SMURF2: variants seen among roughly 807,000 people sequenced by gnomAD.
SMURF2 encodes the protein SMAD specific E3 ubiquitin protein ligase 2.
Under a neutral mutation model 109.6 loss-of-function variants are expected in SMURF2, and 48 were observed. The observed-to-expected ratio is 0.44, with a 90% CI of 0.35 to 0.56. The LOEUF (loss-of-function observed/expected upper bound fraction) is 0.56, where lower values mean the gene tolerates loss of function less well. Ranked by LOEUF, SMURF2 falls within the 20% of genes least tolerant of loss-of-function variation. The pLI, the probability that SMURF2 is intolerant of heterozygous loss-of-function variation, is 0.01. For missense variants in SMURF2, 575 were observed against 909.0 expected, an observed-to-expected ratio of 0.63 and a Z score of 4.72; for synonymous variants, 288 against 317.1, an observed-to-expected ratio of 0.91 and a Z score of 0.97.
At chr17:64,572,089 G>T in intron 9 of SMURF2, 133 bp from the exon 10 acceptor site, 1 of 766,164 alleles carries the variant, frequency 1.3e-6, no homozygotes, top group Non-Finnish European at 1.9e-6. Context: ...TGTTCAGCTG[G>T]AATCTTTAAT....
chr17:64,618,842 A>T (rs1231139195), intron 1 of SMURF2, among the ~76,000 whole-genome samples: 2 of 152,188 alleles, frequency 1.3e-5, no homozygotes, highest in African/African-American at 4.8e-5. Flanking sequence ...AGAGACACTT[A>T]TAGAGGCAGT....
chr17:64,647,149 G>A (rs1970569709), intron 1 of SMURF2, among the ~76,000 whole-genome samples: 1 of 152,042 alleles, frequency 6.6e-6, no homozygotes, highest in African/African-American at 2.4e-5. Flanking sequence ...GTGCATGTAA[G>A]ACTCCCAGCA....
At chr17:64,615,565 A>T (rs1555690028) in intron 1 of SMURF2, among the ~76,000 whole-genome samples, 2 of 152,204 alleles carry the variant, frequency 1.3e-5, no homozygotes, top group African/African-American at 4.8e-5. Context: ...CTCAACCCCT[A>T]AACATGAAAT....
At position 64,621,506 on chromosome 17, in the gene SMURF2, G is replaced by T. The variant is rs1176544258; in HGVS notation, c.53-14866C>A. Among the ~76,000 whole-genome samples the T allele has an allele frequency of 2.6e-5, 4 of 151,832 alleles. No individual in the cohort carries two copies. In the East Asian group the frequency reaches 7.7e-4, roughly 29 times the overall value. On this transcript the variant is annotated intron_variant, in intron 1 of 18. Transcript: ENST00000262435. ...GAGGCAGGAGAATCGCTTGAATCCA[G>T]GGGGCAGAGGTTGCTGTGAGCCGAG...
At chr17:64,593,705 CTT>C (rs1380286603) in intron 3 of SMURF2, 132 bp from the exon 4 acceptor site, 4 of 676,344 alleles carry the variant, frequency 5.9e-6, no homozygotes, top group African/African-American at 5.4e-5. Context: ...CAAAATATGT[CTT>C]GAGTTAATCC....
At position 64,650,668 on chromosome 17, in the gene SMURF2, TA is replaced by T. The variant is rs1383463552; in HGVS notation, c.52+11160del. On this transcript the variant is annotated intron_variant, in intron 1 of 18. Transcript: ENST00000262435. ...CAACATGGTGAAACCTCATGCCTAC[TA>T]AAAATACAAAATTAGCTGGGTGTAG... Among the ~76,000 whole-genome samples, 3 of 151,490 alleles carry T rather than the reference TA, an allele frequency of 2.0e-5. No individual in the cohort carries two copies. The East Asian group carries it at 5.9e-4, about 30-fold the overall frequency.
Position 64,553,832 on chromosome 17 carries a change from C to T in SMURF2, c.1748+1024G>A, listed in dbSNP as rs1268244600. Among the ~76,000 whole-genome samples the T allele has an allele frequency of 2.0e-5, 3 of 152,120 alleles. No homozygotes were observed. In the East Asian group the frequency reaches 5.8e-4, roughly 29 times the overall value. ...AAACTGCTTTCCAGAAAAGCTATGCCAGTGTTCACTCCAATCAAGTGGACC... is the reference window on the plus strand; with the variant it reads ...AAACTGCTTTCCAGAAAAGCTATGCTAGTGTTCACTCCAATCAAGTGGACC... On this transcript the variant is annotated intron_variant, in intron 15 of 18. Transcript: ENST00000262435.
intron 1 of SMURF2, among the ~76,000 whole-genome samples, chr17:64,646,381 CTTTTTTTTTTTTTTT>C (rs1231663839): frequency 8.7e-6 from 1 of 114,460 alleles, no homozygotes; most frequent in Non-Finnish European, 1.9e-5. Context: ...TTTTTTCTTT[CTTTTTTTTTTTTTTT>C]AAATTGAGAC....
chr17:64,633,670 A>C (rs1970377140), intron 1 of SMURF2, among the ~76,000 whole-genome samples: 1 of 152,230 alleles, frequency 6.6e-6, no homozygotes. Context: ...GAGGCATTAG[A>C]GAATCAGTAA....
At chr17:64,630,376 C>A (rs1970321887) in intron 1 of SMURF2, among the ~76,000 whole-genome samples, 1 of 152,144 alleles carries the variant, frequency 6.6e-6, no homozygotes, top group South Asian at 2.1e-4. Context: ...AGATTACCAG[C>A]TAACTGGGAA....
intron 2 of SMURF2, among the ~76,000 whole-genome samples, chr17:64,603,810 A>G (rs2144671214): frequency 6.6e-6 from 1 of 152,310 alleles, no homozygotes; most frequent in South Asian, 2.1e-4. Flanking sequence ...CTCAACAAGG[A>G]TAGCGCCCAA....
chr17:64,628,274 T>A (rs1438238510), intron 1 of SMURF2, among the ~76,000 whole-genome samples: 1 of 152,200 alleles, frequency 6.6e-6, no homozygotes, highest in Non-Finnish European at 1.5e-5. Flanking sequence ...ACCTGTGTCC[T>A]AAGAGAATAC....
At position 64,662,191 on chromosome 17, in the gene SMURF2, T is replaced by C; in HGVS notation, c.-311A>G. 1 of 1,031,920 alleles carries C rather than the reference T, an allele frequency of 9.7e-7. No individual in the cohort carries two copies. Among genetic ancestry groups the C allele is most frequent in the African/African-American group, 1.7e-5 (1 of 57,444 alleles). 63.9% of individuals were successfully genotyped at this position (1,031,920 alleles called of 1,614,324 possible). The stretch of plus-strand genomic sequence containing the variant: ...CGGCCGCCGAGGCCTTTCCCTCCTC[T>C]CGTCTCGGCGAGGCCCAGTAGCCGA... On this transcript the variant is annotated 5_prime_UTR_variant, in exon 1 of 19. Transcript: ENST00000262435.
chr17:64,595,527 G>GA (rs782568144), intron 3 of SMURF2, among the ~76,000 whole-genome samples: 1 of 152,178 alleles, frequency 6.6e-6, no homozygotes, highest in Non-Finnish European at 1.5e-5. Context: ...GTTTCAGGAT[G>GA]TTTTGTTGAA....
intron 2 of SMURF2, among the ~76,000 whole-genome samples, chr17:64,604,450 A>C (rs188500900): frequency 1.7e-3 from 266 of 152,290 alleles, no homozygotes; most frequent in Non-Finnish European, 2.5e-3. Flanking sequence ...TCAGCTCTCA[A>C]AGGTTTATAA....
intron 1 of SMURF2, among the ~76,000 whole-genome samples, chr17:64,655,004 T>C (rs2144738289): frequency 6.6e-6 from 1 of 151,980 alleles, no homozygotes; most frequent in South Asian, 2.1e-4. Flanking sequence ...GCAAAATACA[T>C]ATAACTGCAT....
chr17:64,634,254 C>A (rs570428722), intron 1 of SMURF2, among the ~76,000 whole-genome samples: 1 of 152,294 alleles, frequency 6.6e-6, no homozygotes, highest in Admixed American at 6.5e-5. Context: ...TGTGGCAAAT[C>A]CCCTCATTTT....
At chr17:64,551,501 T>C in intron 16 of SMURF2, 83 bp downstream of exon 16, 1 of 1,439,336 alleles carries the variant, frequency 6.9e-7, no homozygotes, top group Non-Finnish European at 9.6e-7. Context: ...ACCAGAAATA[T>C]GCTTTCCTCT....
intron 13 of SMURF2, among the ~76,000 whole-genome samples, chr17:64,557,326 T>C (rs1411134134): frequency 1.3e-5 from 2 of 152,174 alleles, no homozygotes; most frequent in Admixed American, 1.3e-4. Context: ...CTTTAATCAT[T>C]TGCATTATTC....
Sources: allele counts gnomAD v4.1 joint callset (sites outside exome capture counted in the v4.1 genomes callset), GRCh38; gene constraint gnomAD v4.1.1; transcripts MANE v1.5; gene names NCBI Gene and HGNC (gene_info 2026-07-23, HGNC 2026-07-21).